Variants in ACTR2 observed in about 807,000 individuals in gnomAD.
ACTR2 encodes actin-related protein 2.
A neutral mutation model predicts 50.2 loss-of-function variants in ACTR2; 5 were observed. The observed-to-expected ratio is 0.10, with a 90% CI of 0.05 to 0.21. The LOEUF (loss-of-function observed/expected upper bound fraction) is 0.21. Among genes scored for constraint, ACTR2 ranks in the 10% least tolerant of loss-of-function variants. The pLI, the probability that ACTR2 is intolerant of heterozygous loss-of-function variation, is 1.00. For synonymous variants in ACTR2, 140 were observed against 162.9 expected (o/e 0.86, Z 1.07); for missense variants, 180 against 480.6 (o/e 0.37, Z 5.85).
At chr2:65,244,260 A>G (rs1671893676) in intron 2 of ACTR2, among the ~76,000 whole-genome samples, 1 of 152,194 alleles carries the variant, frequency 6.6e-6, no homozygotes, top group African/African-American at 2.4e-5. Flanking sequence ...AAATTGGTTG[A>G]AATAATACTG....
Position 65,242,056 on chromosome 2 carries a change from A to G in ACTR2, c.159+2094A>G, listed in dbSNP as rs375536973. ...CTTGACCCGTTGAAGTAGAATAACA[A>G]AAAGATGGTAAGTGAGGTTACACAC... On this transcript the variant is annotated intron_variant, in intron 2 of 8. Coordinates refer to ENST00000260641, the MANE Select transcript of ACTR2 (RefSeq NM_005722.4). The G allele has an allele frequency of 3.7e-6, 6 of 1,606,390 alleles. No individual in the cohort carries two copies. Among genetic ancestry groups the G allele is most frequent in the Non-Finnish European group, 5.1e-6 (6 of 1,173,852 alleles).
At chr2:65,248,592 G>C (rs190230718) in intron 3 of ACTR2, among the ~76,000 whole-genome samples, 158 of 152,284 alleles carry the variant, frequency 1.0e-3, no homozygotes, top group African/African-American at 3.6e-3. Context: ...AGTAGTAGTA[G>C]AGATAGTGAG....
intron 1 of ACTR2, 122 bp from the exon 2 acceptor site, chr2:65,239,730 G>A: frequency 1.5e-6 from 1 of 677,628 alleles, no homozygotes; most frequent in East Asian, 2.8e-5. Context: ...ACTTCGGGTG[G>A]ACTGAAAGCA....
In ACTR2 at chr2:65,255,578, T is replaced by A; in HGVS notation, c.619T>A (p.Ser207Thr). ...LLLRGYAFNH[S>T]ADFETVRMIK... ...GTTGCGAGGATACGCCTTCAACCAC[T>A]CTGCTGATTTTGAAACGGTTCGCAT... The change falls in exon 6 of 9, where the codon TCT (serine) becomes ACT (threonine). Residue 207 changes from serine (S) to threonine (T), a missense_variant. Physicochemically the swap from Ser to Thr is moderately conservative, Grantham distance 58 (BLOSUM62 1). Transcript: ENST00000260641. The A allele has an allele frequency of 1.2e-6, 2 of 1,614,044 alleles. No homozygotes were observed. The highest frequency in any genetic ancestry group is 1.7e-5 in the Admixed American group (1 of 60,014).
At chr2:65,248,211 C>A (rs971358194) in intron 3 of ACTR2, among the ~76,000 whole-genome samples, 6 of 152,014 alleles carry the variant, frequency 3.9e-5, no homozygotes, top group African/African-American at 1.5e-4. Flanking sequence ...ACCAGCCTGA[C>A]CAACATAGTG....
intron 1 of ACTR2, among the ~76,000 whole-genome samples, chr2:65,237,351 A>C (rs1314835168): frequency 6.6e-6 from 1 of 152,046 alleles, no homozygotes; most frequent in African/African-American, 2.4e-5. Context: ...CTCCCACCTC[A>C]GTCTCTGGAA....
At chr2:65,268,435 T>TCC in intron 8 of ACTR2, 129 bp from the exon 9 acceptor site, 1 of 372,466 alleles carries the variant, frequency 2.7e-6, no homozygotes, top group Non-Finnish European at 4.4e-6. Flanking sequence ...AGGTACCAAA[T>TCC]ATTACGTTCT....
chr2:65,231,610 G>T (rs1042026593), intron 1 of ACTR2, among the ~76,000 whole-genome samples: 1 of 151,972 alleles, frequency 6.6e-6, no homozygotes, highest in South Asian at 2.1e-4. Flanking sequence ...CGAGGTGAGA[G>T]GATTTCTTGA....
At chr2:65,230,910 C>A (rs185475417) in intron 1 of ACTR2, among the ~76,000 whole-genome samples, 3 of 151,900 alleles carry the variant, frequency 2.0e-5, no homozygotes, top group Admixed American at 1.3e-4. Context: ...AAAAATTAGC[C>A]GGGTGTGGTT....
chr2:65,237,012 TATC>T (rs1448959027), intron 1 of ACTR2, among the ~76,000 whole-genome samples: 2 of 152,238 alleles, frequency 1.3e-5, no homozygotes, highest in African/African-American at 4.8e-5. Flanking sequence ...ACAATCATGG[TATC>T]ATACTGTTAA....
intron 7 of ACTR2, among the ~76,000 whole-genome samples, chr2:65,263,830 C>T (rs556265984): frequency 3.6e-5 from 5 of 137,672 alleles, no homozygotes; most frequent in African/African-American, 8.0e-5. Flanking sequence ...ACGAGGCCGG[C>T]GAATCACGAG....
intron 8 of ACTR2, 48 bp from the exon 9 acceptor site, chr2:65,268,512 CAGAA>C: frequency 6.6e-7 from 1 of 1,511,400 alleles, no homozygotes; most frequent in Non-Finnish European, 8.9e-7. Context: ...TTTCATAAAG[CAGAA>C]AGCACTGTGC....
intron 5 of ACTR2, among the ~76,000 whole-genome samples, chr2:65,255,303 AC>A (rs1477328427): frequency 6.6e-6 from 1 of 152,146 alleles, no homozygotes; most frequent in African/African-American, 2.4e-5. Context: ...CTTTTCAAAA[AC>A]TGACTTTTCT....
intron 8 of ACTR2, among the ~76,000 whole-genome samples, chr2:65,266,676 C>G (rs1381410783): frequency 1.3e-5 from 2 of 151,900 alleles, no homozygotes; most frequent in Non-Finnish European, 2.9e-5. Flanking sequence ...CATAGAGAGA[C>G]CAGTTAGGAG....
chr2:65,239,421 T>G (rs1012211028), intron 1 of ACTR2, among the ~76,000 whole-genome samples: 2 of 152,252 alleles, frequency 1.3e-5, no homozygotes, highest in African/African-American at 4.8e-5. Context: ...GCCATTGCAC[T>G]TCTGCCTGGG....
At chr2:65,245,664 A>G (rs115727346) in intron 2 of ACTR2, among the ~76,000 whole-genome samples, 3,621 of 152,254 alleles carry the variant, frequency 0.024, 114 homozygotes, top group African/African-American at 0.071. Flanking sequence ...GTATTATTTA[A>G]CCTCTTGACT....
intron 2 of ACTR2, among the ~76,000 whole-genome samples, chr2:65,243,717 T>C (rs1366870120): frequency 6.6e-6 from 1 of 152,244 alleles, no homozygotes; most frequent in Non-Finnish European, 1.5e-5. Flanking sequence ...GTTTACTCTG[T>C]ATTCTAATTT....
chr2:65,232,336 A>T (rs746238835), intron 1 of ACTR2, among the ~76,000 whole-genome samples: 8 of 152,230 alleles, frequency 5.3e-5, no homozygotes, highest in Non-Finnish European at 8.8e-5. Flanking sequence ...TCGTACAGAG[A>T]AGCTTATAGT....
Position 65,253,723 on chromosome 2 carries a change from T to TAAA in ACTR2, c.449-5_449-4insAAA. ...TTTATTTAAATCCCCCTGGCTTTTA[T>TAAA]GCAGGTTTATTGACTGGTGTAGTGG... On this transcript the variant is annotated splice_polypyrimidine_tract_variant and splice_region_variant and intron_variant, in intron 4 of 8. Coordinates refer to ENST00000260641, the MANE Select transcript of ACTR2 (RefSeq NM_005722.4). The TAAA allele has an allele frequency of 6.2e-7, 1 of 1,608,482 alleles. No individual in the cohort carries two copies. The highest frequency in any genetic ancestry group is 8.5e-7 in the Non-Finnish European group (1 of 1,178,380).
Sources: allele counts gnomAD v4.1 joint callset (sites outside exome capture counted in the v4.1 genomes callset), GRCh38; gene constraint gnomAD v4.1.1; transcripts MANE v1.5; gene names NCBI Gene and HGNC (gene_info 2026-07-23, HGNC 2026-07-21).